Variants in AIG1 observed in about 807,000 individuals in gnomAD.
AIG1 encodes androgen induced 1, also known as androgen-induced gene 1 protein.
In AIG1, 23 loss-of-function variants were observed where a neutral mutation model predicts 31.4. The observed-to-expected ratio is 0.73, with a 90% confidence interval of 0.53 to 1.04. The LOEUF is 1.04. Ranked by LOEUF, AIG1 falls within the 50% of genes least tolerant of loss-of-function variation. The pLI, the probability that AIG1 is intolerant of heterozygous loss-of-function variation, is 0.00. For missense variants in AIG1, 274 were observed against 295.0 expected, an observed-to-expected ratio of 0.93 and a Z score of 0.52; for synonymous variants, 100 against 110.5, an observed-to-expected ratio of 0.90 and a Z score of 0.60.
chr6:143,199,869 A>C (rs1790547614), intron 3 of AIG1, among the ~76,000 whole-genome samples: 1 of 152,188 alleles, frequency 6.6e-6, no homozygotes, highest in Non-Finnish European at 1.5e-5. Flanking sequence ...ATCAAATTAG[A>C]AGGATCAGGA....
At chr6:143,072,406 G>A (rs1391647665) in intron 1 of AIG1, among the ~76,000 whole-genome samples, 1 of 151,932 alleles carries the variant, frequency 6.6e-6, no homozygotes, top group East Asian at 1.9e-4. Context: ...TTTCAATATG[G>A]ATAGCTTTTA....
In AIG1 at chr6:143,256,774, T is replaced by C. The variant is rs1795403031; in HGVS notation, c.400-27336T>C. On this transcript the variant is annotated intron_variant, in intron 3 of 5. Coordinates refer to ENST00000357847, the MANE Select transcript of AIG1 (RefSeq NM_016108.4). The surrounding 1 kb of genome is among the most constrained non-coding windows in gnomAD (Gnocchi z 4.6). ...TTGGCACTCTCTAGATTTTGACACA[T>C]TAGAAGAAAAAATAAAGTTATATTA... Among the ~76,000 whole-genome samples the C allele has an allele frequency of 6.6e-6, 1 of 152,196 alleles. No individual in the cohort carries two copies. The highest frequency in any genetic ancestry group is 1.5e-5 in the Non-Finnish European group (1 of 68,022).
chr6:143,308,850 G>A (rs1775020345), intron 4 of AIG1, among the ~76,000 whole-genome samples: 1 of 152,130 alleles, frequency 6.6e-6, no homozygotes, highest in Non-Finnish European at 1.5e-5. Flanking sequence ...ACAAAGCATT[G>A]TATGGCTTTC....
At chr6:143,153,460 G>C (rs1031407915) in intron 2 of AIG1, among the ~76,000 whole-genome samples, 1 of 152,164 alleles carries the variant, frequency 6.6e-6, no homozygotes, top group Non-Finnish European at 1.5e-5. Context: ...TGATTCTCCT[G>C]CCTCAGCCTC....
chr6:143,245,001 A>G (rs1048740454), intron 3 of AIG1, among the ~76,000 whole-genome samples: 1 of 152,190 alleles, frequency 6.6e-6, no homozygotes, highest in African/African-American at 2.4e-5. Flanking sequence ...GAAAAACAAA[A>G]CAAATCTGTA....
chr6:143,218,926 C>T (rs923979671), intron 3 of AIG1, among the ~76,000 whole-genome samples: 2 of 152,234 alleles, frequency 1.3e-5, no homozygotes, highest in Non-Finnish European at 2.9e-5. Flanking sequence ...CTTTAATCCT[C>T]TTCTCTCAAA....
intron 3 of AIG1, among the ~76,000 whole-genome samples, chr6:143,219,886 TCTGTCTGC>T (rs1792335347): frequency 6.6e-6 from 1 of 152,182 alleles, no homozygotes; most frequent in Non-Finnish European, 1.5e-5. Flanking sequence ...AGCCATGACC[TCTGTCTGC>T]CTTCACTACA....
At chr6:143,203,841 C>T (rs968806823) in intron 3 of AIG1, among the ~76,000 whole-genome samples, 13 of 152,154 alleles carry the variant, frequency 8.5e-5, no homozygotes, top group South Asian at 4.1e-4. Flanking sequence ...TAGCCTTTTA[C>T]GTCTCTTCCA....
At chr6:143,305,681 C>T in intron 4 of AIG1, among the ~76,000 whole-genome samples, 1 of 151,980 alleles carries the variant, frequency 6.6e-6, no homozygotes, top group East Asian at 1.9e-4. Flanking sequence ...TGGTGCGGTG[C>T]TGAAAAAAAT....
At chr6:143,343,226 AT>A, downstream of AIG1, 1 of 674,680 alleles carries the variant, frequency 1.5e-6, no homozygotes, top group Non-Finnish European at 2.8e-6. Flanking sequence ...TGGGACGGAA[AT>A]TTTTTGATTA....
chr6:143,237,185 T>C (rs1048592608), intron 3 of AIG1, among the ~76,000 whole-genome samples: 5 of 152,224 alleles, frequency 3.3e-5, no homozygotes, highest in African/African-American at 1.2e-4. Context: ...AATTAATTTT[T>C]CAGTCCTTAA....
chr6:143,308,935 A>G (rs1775031132), intron 4 of AIG1, among the ~76,000 whole-genome samples: 1 of 151,972 alleles, frequency 6.6e-6, no homozygotes, highest in Non-Finnish European at 1.5e-5. Context: ...TCTGCCATAT[A>G]TAAAATATAT....
In AIG1 at chr6:143,145,240, G is replaced by C. The variant is rs184349880; in HGVS notation, c.297+8250G>C. 3.2e-3 allele frequency among the ~76,000 whole-genome samples: 493 copies of C among 152,224 alleles called. 1 individual carries two copies. Among genetic ancestry groups the C allele is most frequent in the African/African-American group, 0.012 (479 of 41,538 alleles). On this transcript the variant is annotated intron_variant, in intron 2 of 5. Coordinates refer to ENST00000357847, the MANE Select transcript of AIG1 (RefSeq NM_016108.4). ...GGGTTTCACCATGTTGCCCAGGCTG[G>C]TCTCAAACTCCTGAGCTCAAGCGAT...
chr6:143,094,447 T>A (rs1288325289), intron 1 of AIG1: 1 of 152,212 alleles, frequency 6.6e-6, no homozygotes, highest in Non-Finnish European at 1.5e-5. Flanking sequence ...TTAGCAGCAG[T>A]GTACACTGAG....
At chr6:143,160,009 T>G (rs1308124318) in intron 2 of AIG1, among the ~76,000 whole-genome samples, 1 of 152,238 alleles carries the variant, frequency 6.6e-6, no homozygotes, top group Non-Finnish European at 1.5e-5. Flanking sequence ...AATCTTTTCC[T>G]ATCAGTATTT....
intron 4 of AIG1, among the ~76,000 whole-genome samples, chr6:143,300,139 A>G (rs1179985723): frequency 6.6e-6 from 1 of 152,200 alleles, no homozygotes; most frequent in Non-Finnish European, 1.5e-5. Flanking sequence ...TTTCAGAAAC[A>G]TGGATCTATG....
chr6:143,130,237 C>A (rs1783091691), intron 1 of AIG1, among the ~76,000 whole-genome samples: 1 of 151,816 alleles, frequency 6.6e-6, no homozygotes, highest in African/African-American at 2.4e-5. Flanking sequence ...CTGATAGATA[C>A]TTTAAAAAAA....
At chr6:143,216,019 T>C (rs1477866325) in intron 3 of AIG1, among the ~76,000 whole-genome samples, 2 of 152,156 alleles carry the variant, frequency 1.3e-5, no homozygotes, top group African/African-American at 4.8e-5. Context: ...ATTCATAGAC[T>C]GTAGCCTACT....
chr6:143,187,846 A>G, intron 3 of AIG1: 1 of 1,452,318 alleles, frequency 6.9e-7, no homozygotes, highest in South Asian at 1.5e-5. Flanking sequence ...CCATTTCTCA[A>G]GCGATGTACA....
Sources: allele counts gnomAD v4.1 joint callset (sites outside exome capture counted in the v4.1 genomes callset), GRCh38; gene constraint gnomAD v4.1.1; non-coding constraint Gnocchi (gnomAD v3.1); transcripts MANE v1.5; gene names NCBI Gene and HGNC (gene_info 2026-07-23, HGNC 2026-07-21).